The following LRRN4 variants were observed in gnomAD, a reference collection of about 807,000 sequenced individuals.
LRRN4 encodes the protein leucine-rich repeat neuronal protein 4.
Under a neutral mutation model 22.3 loss-of-function variants are expected in LRRN4, and 26 were observed. The observed-to-expected ratio is 1.16, with a 90% CI of 0.85 to 1.62. The LOEUF is 1.62. Ranked by LOEUF, LRRN4 falls within the 40% of genes most tolerant of loss-of-function variation. LRRN4 has a pLI of 0.00. For synonymous variants in LRRN4, 496 were observed against 486.2 expected, an observed-to-expected ratio of 1.02 and a Z score of -0.26; for missense variants, 1,070 against 1,008.5, an observed-to-expected ratio of 1.06 and a Z score of -0.83.
At chr20:6,044,241 C>G (rs1041475401) in intron 4 of LRRN4, among the ~76,000 whole-genome samples, 1 of 152,200 alleles carries the variant, frequency 6.6e-6, no homozygotes, top group Non-Finnish European at 1.5e-5. Context: ...CCCAGCCTCC[C>G]TTGCAGGTAG....
Position 6,040,916 on chromosome 20 carries a change from C to T in LRRN4, c.*106G>A. 2.0e-6 allele frequency: 3 copies of T among 1,481,918 alleles called. No homozygotes were observed. Among genetic ancestry groups the T allele is most frequent in the Non-Finnish European group, 2.7e-6 (3 of 1,097,990 alleles). The allele number at this position is 1,481,918 out of a possible 1,614,324, so 91.8% of individuals were successfully genotyped here. A position where few individuals can be genotyped will look rare whatever the true frequency, so the allele number is the denominator to read the frequency against. ...GTGTGCTCAAGGCATTCTGGCTTCA[C>T]GGGAATTAGAAACCCTAGGAGCGGA... On this transcript the variant is annotated 3_prime_UTR_variant, in exon 5 of 5. Coordinates refer to ENST00000378858, the MANE Select transcript of LRRN4 (RefSeq NM_152611.5).
At chr20:6,044,760 G>T in intron 3 of LRRN4, 80 bp from the exon 4 acceptor site, 1 of 1,262,258 alleles carries the variant, frequency 7.9e-7, no homozygotes, top group East Asian at 2.8e-5. Flanking sequence ...CATGGTGTCA[G>T]AACCATGCCC....
chr20:6,042,528 A>AC (rs1455670389), intron 4 of LRRN4, among the ~76,000 whole-genome samples: 1 of 152,110 alleles, frequency 6.6e-6, no homozygotes, highest in African/African-American at 2.4e-5. Context: ...GGCAGAGCCT[A>AC]CCCCGGGGCA....
chr20:6,050,753 T>C (rs1393760673), intron 3 of LRRN4, 26 bp downstream of exon 3: 2 of 1,604,814 alleles, frequency 1.2e-6, no homozygotes, highest in East Asian at 2.2e-5. Context: ...AGTCATGTGA[T>C]GAAGATGTGC....
rs1357946771 is a variant in LRRN4 at position 6,052,522 on chromosome 20, G to T, written c.278C>A (p.Ser93Tyr). Residue 93 changes from serine (S) to tyrosine (Y), a missense_variant, in exon 2 of 5, where the codon TCC (serine) becomes TAC (tyrosine). Ser to Tyr is a moderately radical substitution (Grantham distance 144). Coordinates refer to ENST00000378858, the MANE Select transcript of LRRN4 (RefSeq NM_152611.5). ...CAGCTGCTCCAGGTGGCCGAGCTCG[G>T]AAGTGCTCAGGGCGCGCAGCAGGTT... Reference protein sequence around the residue: ...SHNLLRALSTSELGHLEQLQV... With the variant: ...SHNLLRALSTYELGHLEQLQV... 6.3e-7 allele frequency: 1 copy of T among 1,586,938 alleles called. No homozygotes were observed. The highest frequency in any genetic ancestry group is 2.3e-5 in the East Asian group (1 of 44,312).
intron 2 of LRRN4, 37 bp downstream of exon 2, chr20:6,052,108 C>T (rs766766308): frequency 3.9e-6 from 6 of 1,551,566 alleles, no homozygotes; most frequent in South Asian, 1.2e-5. Flanking sequence ...TGGCTCTGCG[C>T]TCAGGCCGGC....
chr20:6,044,404 T>C (rs112234724), intron 4 of LRRN4, 139 bp downstream of exon 4: 1 of 838,088 alleles, frequency 1.2e-6, no homozygotes, highest in Non-Finnish European at 1.6e-6. Flanking sequence ...TCCCTGAGTA[T>C]GACTACATGG....
intron 3 of LRRN4, among the ~76,000 whole-genome samples, chr20:6,047,484 C>T (rs1037181220): frequency 1.3e-5 from 2 of 150,916 alleles, no homozygotes; most frequent in African/African-American, 4.9e-5. Flanking sequence ...ACACACCACT[C>T]TTCTGGTAAG....
chr20:6,051,409 G>A (rs923944971), intron 2 of LRRN4, among the ~76,000 whole-genome samples: 2 of 152,208 alleles, frequency 1.3e-5, no homozygotes, highest in Non-Finnish European at 2.9e-5. Flanking sequence ...GGGGCCCCCA[G>A]AAACCTCATT....
At chr20:6,051,787 A>C (rs1056814016) in intron 2 of LRRN4, among the ~76,000 whole-genome samples, 6 of 152,218 alleles carry the variant, frequency 3.9e-5, no homozygotes, top group African/African-American at 1.4e-4. Context: ...GCACTTATCC[A>C]GCCATGCTGG....
rs1221851154 is a variant in LRRN4 at position 6,050,828 on chromosome 20, T to G, written c.811A>C (p.Thr271Pro). 1.2e-6 allele frequency: 2 copies of G among 1,613,712 alleles called. No individual in the cohort carries two copies. Among genetic ancestry groups the G allele is most frequent in the African/African-American group, 2.7e-5 (2 of 74,914 alleles). ...TGTGGAGTATCTTGAAAGATGTGTGTGGCGACAGAAGCAAGTGCTGGGGAG... is the reference window on the plus strand; with the variant it reads ...TGTGGAGTATCTTGAAAGATGTGTGGGGCGACAGAAGCAAGTGCTGGGGAG... ...QDSPALASVA[T>P]HIFQDTPHLQ... Residue 271 changes from threonine to proline, a missense_variant, in exon 3 of 5, where the codon ACA becomes CCA. Coordinates refer to ENST00000378858, the MANE Select transcript of LRRN4 (RefSeq NM_152611.5).
At position 6,040,948 on chromosome 20, in the gene LRRN4, C is replaced by A; in HGVS notation, c.*74G>T. ...TAGAAACCCTAGGAGCGGATGGGGT[C>A]GTTTTTGACCGTCTGTGTCTTCCTT... On this transcript the variant is annotated 3_prime_UTR_variant, in exon 5 of 5. Transcript: ENST00000378858. The A allele has an allele frequency of 6.4e-7, 1 of 1,569,822 alleles. No homozygotes were observed. The highest frequency in any genetic ancestry group is 8.7e-7 in the Non-Finnish European group (1 of 1,155,924).
At chr20:6,051,408 A>G (rs549129652) in intron 2 of LRRN4, among the ~76,000 whole-genome samples, 25 of 152,346 alleles carry the variant, frequency 1.6e-4, no homozygotes, top group African/African-American at 5.8e-4. Flanking sequence ...AGGGGCCCCC[A>G]GAAACCTCAT....
Position 6,041,875 on chromosome 20 carries a change from T to C in LRRN4, c.1370A>G (p.His457Arg). ...AAGCTCGGGGGCATGTTCTCCTCGG[T>C]GCTGGGTCCTGGTGGTGCTGGCAGC... ...PRAASTTRTQ[H>R]RGEHAPELVL... is the part of the protein sequence containing the mutation. Residue 457 changes from histidine to arginine, a missense_variant, in exon 5 of 5, where the codon CAC becomes CGC. Transcript: ENST00000378858. This position sits in a 1 kb window ranked among gnomAD's most constrained non-coding sequence, Gnocchi z 9.4. 6.2e-7 allele frequency: 1 copy of C among 1,614,126 alleles called. No homozygotes were observed. Among genetic ancestry groups the C allele is most frequent in the Non-Finnish European group, 8.5e-7 (1 of 1,179,996 alleles).
chr20:6,041,244 C>T lies in LRRN4; in HGVS notation c.2001G>A (p.Trp667Ter). 1.3e-6 allele frequency: 2 copies of T among 1,584,202 alleles called. No individual in the cohort carries two copies. The highest frequency in any genetic ancestry group is 1.7e-6 in the Non-Finnish European group (2 of 1,165,588). ...TGGTGAAGGCGGCGCACGGGCTCCT[C>T]CAGCCCGAAGACCGTGGCTGGCTCA... ...AGLSQPRSSGWRSPCAAFTTK... is the reference protein window; with the variant it reads ...AGLSQPRSSG Residue 667 changes from tryptophan (W) to a stop codon, truncating the protein, a stop_gained, in exon 5 of 5, where the codon TGG becomes TGA. Coordinates refer to ENST00000378858, the MANE Select transcript of LRRN4 (RefSeq NM_152611.5). LOFTEE classifies it low-confidence loss of function (END_TRUNC). This position sits in a 1 kb window ranked among gnomAD's most constrained non-coding sequence, Gnocchi z 9.4.
chr20:6,052,485 G>T lies in LRRN4; in HGVS notation c.315C>A (p.Thr105=), dbSNP rs116064748. The T allele has an allele frequency of 5.7e-3, 9,003 of 1,574,374 alleles. 433 individuals carry two copies. The African/African-American group carries it at 0.1, about 18-fold the overall frequency. Residue 105 remains threonine, a synonymous_variant, in exon 2 of 5, where the codon ACC becomes ACA. Coordinates refer to ENST00000378858, the MANE Select transcript of LRRN4 (RefSeq NM_152611.5). ...LGHLEQLQVL[T]LRHNRIAALR... ...GCGCGGCGATGCGGTTGTGGCGCAG[G>T]GTCAGCACCTGCAGCTGCTCCAGGT...
chr20:6,051,526 G>T (rs1470098947), intron 2 of LRRN4, among the ~76,000 whole-genome samples: 1 of 152,186 alleles, frequency 6.6e-6, no homozygotes, highest in Non-Finnish European at 1.5e-5. Flanking sequence ...GTAGACACGT[G>T]AAGTGTTTTT....
chr20:6,041,950 G>A lies in LRRN4; in HGVS notation c.1295C>T (p.Ser432Phe). The A allele has an allele frequency of 6.2e-7, 1 of 1,614,168 alleles. No individual in the cohort carries two copies. Among genetic ancestry groups the A allele is most frequent in the Non-Finnish European group, 8.5e-7 (1 of 1,180,030 alleles). Residue 432 changes from serine to phenylalanine, a missense_variant, in exon 5 of 5, where the codon TCC becomes TTC. Ser to Phe is a radical substitution (Grantham distance 155). Transcript: ENST00000378858. This position sits in a 1 kb window ranked among gnomAD's most constrained non-coding sequence, Gnocchi z 9.4. ...HSDAREGTAPSTTNSVAGHSN... is the reference protein window; with the variant it reads ...HSDAREGTAPFTTNSVAGHSN... ...GTGACCTGCTACAGAGTTGGTCGTG[G>A]AGGGGGCAGTCCCCTCCCGTGCATC...
chr20:6,049,522 CAG>C, intron 3 of LRRN4, among the ~76,000 whole-genome samples: 1 of 151,972 alleles, frequency 6.6e-6, no homozygotes. Flanking sequence ...GATTTTGAGA[CAG>C]AGTTTCATTC....
Sources: gnomAD v4.1 joint callset for allele counts (sites outside exome capture counted in the v4.1 genomes callset) on GRCh38, gnomAD v4.1.1 for gene constraint, Gnocchi (gnomAD v3.1) non-coding constraint, MANE v1.5 for transcripts, NCBI Gene and HGNC (gene_info 2026-07-23, HGNC 2026-07-21) for gene names.